LINGO2: variants seen among roughly 807,000 people sequenced by gnomAD.
LINGO2 encodes leucine rich repeat and Ig domain containing 2.
Under a neutral mutation model 30.6 loss-of-function variants are expected in LINGO2, and 14 were observed. That is an observed-to-expected ratio of 0.46 (90% confidence interval 0.30 to 0.72). The LOEUF (loss-of-function observed/expected upper bound fraction) is 0.72. Ranked by LOEUF, LINGO2 falls within the 30% of genes least tolerant of loss-of-function variation. The pLI is 0.07. For missense variants in LINGO2, 729 were observed against 751.7 expected (o/e 0.97, Z 0.35); for synonymous variants, 317 against 288.5 (o/e 1.10, Z -1.00).
chr9:28,426,492 C>T (rs1456888072), intron 2 of LINGO2, among the ~76,000 whole-genome samples: 2 of 152,084 alleles, frequency 1.3e-5, no homozygotes, highest in Non-Finnish European at 2.9e-5. Flanking sequence ...TTTGCATGGA[C>T]TAGCACTACT....
At chr9:29,177,463 T>C in the LINGO2 span, among the ~76,000 whole-genome samples, 1 of 152,156 alleles carries the variant, frequency 6.6e-6, no homozygotes, top group African/African-American at 2.4e-5. Context: ...TTCATTGACT[T>C]TTCACAAAGT....
chr9:29,174,634 T>C, the LINGO2 span, among the ~76,000 whole-genome samples: 1 of 152,190 alleles, frequency 6.6e-6, no homozygotes, highest in South Asian at 2.1e-4. Flanking sequence ...CAATTATTTA[T>C]CCAGAATAAA....
At chr9:28,600,882 C>T (rs1231790745) in intron 1 of LINGO2, among the ~76,000 whole-genome samples, 2 of 152,092 alleles carry the variant, frequency 1.3e-5, no homozygotes, top group South Asian at 2.1e-4. Flanking sequence ...TATCTTGATA[C>T]CATGACCTTG....
At chr9:29,081,094 G>A in the LINGO2 span, among the ~76,000 whole-genome samples, 1 of 152,080 alleles carries the variant, frequency 6.6e-6, no homozygotes, top group Non-Finnish European at 1.5e-5. Flanking sequence ...GCATCATCCT[G>A]ATACCAAAGC....
At chr9:28,308,730 T>A (rs1414648937) in intron 3 of LINGO2, among the ~76,000 whole-genome samples, 3 of 150,638 alleles carry the variant, frequency 2.0e-5, no homozygotes, top group Non-Finnish European at 4.4e-5. Flanking sequence ...CAAACAAATT[T>A]ACAAGAAAAA....
intron 1 of LINGO2, among the ~76,000 whole-genome samples, chr9:28,490,314 T>C (rs76350797): frequency 0.021 from 3,263 of 152,324 alleles, 104 homozygotes; most frequent in East Asian, 0.1. Flanking sequence ...ATGTAGTCTA[T>C]AGACTGCTCC....
At chr9:28,637,302 C>A (rs756381396) in intron 1 of LINGO2, among the ~76,000 whole-genome samples, 1 of 152,058 alleles carries the variant, frequency 6.6e-6, no homozygotes. Context: ...CTTGGCGATG[C>A]GGGCTCTTTT....
chr9:29,142,843 G>A, the LINGO2 span, among the ~76,000 whole-genome samples: 1 of 151,900 alleles, frequency 6.6e-6, no homozygotes, highest in African/African-American at 2.4e-5. Flanking sequence ...TCCATTGAGA[G>A]AGGAATAAGT....
chr9:28,841,355 A>T, the LINGO2 span, among the ~76,000 whole-genome samples: 9 of 151,868 alleles, frequency 5.9e-5, no homozygotes, highest in African/African-American at 1.9e-4. Flanking sequence ...TGTCACCTTA[A>T]TAGGCCATGT....
At chr9:28,798,340 T>C in the LINGO2 span, among the ~76,000 whole-genome samples, 2 of 151,430 alleles carry the variant, frequency 1.3e-5, no homozygotes, top group South Asian at 2.1e-4. Context: ...CTTGAGTAGG[T>C]AAAAAGAGTG....
chr9:28,839,524 G>A, the LINGO2 span, among the ~76,000 whole-genome samples: 1 of 152,072 alleles, frequency 6.6e-6, no homozygotes, highest in Admixed American at 6.5e-5. Context: ...CTATTTATAG[G>A]CAGGTCGTCC....
chr9:28,654,888 C>T (rs1012773229), intron 1 of LINGO2, among the ~76,000 whole-genome samples: 2 of 152,062 alleles, frequency 1.3e-5, no homozygotes, highest in African/African-American at 2.4e-5. Context: ...GTAGCAAGCA[C>T]TCAATTATCA....
the LINGO2 span, among the ~76,000 whole-genome samples, chr9:28,766,804 GGGAAGGAGAGAGAGAGAGAGAGA>G: frequency 3.0e-5 from 3 of 101,330 alleles, no homozygotes; most frequent in African/African-American, 1.1e-4. Flanking sequence ...GAGAGAGAGA[GGGAAGGAGAGAGAGAGAGAGAGA>G]GAAGGAGAGA....
intron 3 of LINGO2, among the ~76,000 whole-genome samples, chr9:28,319,257 TCTC>T (rs963660032): frequency 1.1e-4 from 16 of 152,284 alleles, no homozygotes; most frequent in African/African-American, 3.4e-4. Context: ...TTGTGGCCCC[TCTC>T]CTCCTCCATT....
chr9:29,058,966 CAT>C, the LINGO2 span, among the ~76,000 whole-genome samples: 2 of 151,844 alleles, frequency 1.3e-5, no homozygotes, highest in African/African-American at 2.4e-5. Context: ...TAAATACAAA[CAT>C]GTTGTCTACA....
the LINGO2 span, among the ~76,000 whole-genome samples, chr9:28,930,107 G>T: frequency 2.0e-5 from 3 of 152,132 alleles, no homozygotes; most frequent in African/African-American, 7.2e-5. This position sits in a 1 kb window ranked among gnomAD's most constrained non-coding sequence, Gnocchi z 4.2. Flanking sequence ...GTTCTTCAGG[G>T]ATGCCTAGTG....
At chr9:28,216,326 A>T (rs1820765984) in intron 4 of LINGO2, among the ~76,000 whole-genome samples, 1 of 151,936 alleles carries the variant, frequency 6.6e-6, no homozygotes, top group South Asian at 2.1e-4. Flanking sequence ...AAAAGACAGA[A>T]TTTTGTTGGG....
chr9:29,007,891 T>C, the LINGO2 span, among the ~76,000 whole-genome samples: 2 of 152,088 alleles, frequency 1.3e-5, no homozygotes, highest in Non-Finnish European at 2.9e-5. Flanking sequence ...GTAGCCAACA[T>C]GCAGATATTC....
the LINGO2 span, among the ~76,000 whole-genome samples, chr9:28,988,641 T>C: frequency 2.0e-5 from 3 of 152,220 alleles, no homozygotes; most frequent in African/African-American, 7.2e-5. Flanking sequence ...ACCCACAATA[T>C]TCCCCATGGG....
Sources: allele counts gnomAD v4.1 joint callset (sites outside exome capture counted in the v4.1 genomes callset), GRCh38; gene constraint gnomAD v4.1.1; non-coding constraint Gnocchi (gnomAD v3.1); transcripts MANE v1.5; gene names NCBI Gene and HGNC (gene_info 2026-07-23, HGNC 2026-07-21).